KIFAP3: variants seen among roughly 807,000 people sequenced by gnomAD.
The protein encoded by KIFAP3 is kinesin-associated protein 3.
In KIFAP3, 68 loss-of-function variants were observed where a neutral mutation model predicts 106.5. The ratio of observed to expected loss-of-function variants is 0.64; its 90% CI spans 0.53 to 0.78. The LOEUF (loss-of-function observed/expected upper bound fraction) is 0.78. Ranked by LOEUF, KIFAP3 falls within the 30% of genes least tolerant of loss-of-function variation. KIFAP3 has a pLI of 0.00. For missense variants in KIFAP3, 780 were observed against 941.8 expected (o/e 0.83, Z 2.25); for synonymous variants, 320 against 311.5 (o/e 1.03, Z -0.29).
chr1:170,031,616 T>A (rs1254903288), intron 8 of KIFAP3, among the ~76,000 whole-genome samples: 1 of 151,768 alleles, frequency 6.6e-6, no homozygotes, highest in African/African-American at 2.4e-5. Context: ...AGATTGATAT[T>A]ATTGAAAAGG....
intron 10 of KIFAP3, among the ~76,000 whole-genome samples, chr1:170,013,824 T>C (rs917165287): frequency 6.6e-6 from 1 of 151,512 alleles, no homozygotes; most frequent in Non-Finnish European, 1.5e-5. Flanking sequence ...TGATTTGCTT[T>C]TATCAACAGA....
chr1:170,036,943 C>G (rs960552016), intron 5 of KIFAP3, among the ~76,000 whole-genome samples: 1 of 152,146 alleles, frequency 6.6e-6, no homozygotes, highest in East Asian at 1.9e-4. Context: ...AATCCCATTA[C>G]GTCTTTTCAC....
rs1193911940 is a variant in KIFAP3, at chr1:169,960,025, AT to A, written c.2173+1020del. 3.9e-5 allele frequency among the ~76,000 whole-genome samples: 6 copies of A among 152,128 alleles called. No homozygotes were observed. The East Asian group carries it at 1.2e-3, about 29-fold the overall frequency. The stretch of plus-strand genomic sequence containing the variant: ...TAAGTATCTATACCAAATACAAAAA[AT>A]AATACATAATATCTATGGAAAATTT... On this transcript the variant is annotated intron_variant, in intron 18 of 19. Coordinates refer to ENST00000361580, the MANE Select transcript of KIFAP3 (RefSeq NM_014970.4).
intron 19 of KIFAP3, among the ~76,000 whole-genome samples, chr1:169,938,233 G>A (rs1487776259): frequency 1.3e-5 from 2 of 151,846 alleles, no homozygotes; most frequent in Non-Finnish European, 2.9e-5. Flanking sequence ...AGTACACTAC[G>A]AATCCCTTAA....
At chr1:169,935,238 T>C (rs977711611) in intron 19 of KIFAP3, among the ~76,000 whole-genome samples, 4 of 152,050 alleles carry the variant, frequency 2.6e-5, no homozygotes, top group African/African-American at 4.8e-5. Context: ...TTGTATAAAT[T>C]TGAAAAGATG....
At chr1:169,986,442 G>T (rs1666832920) in intron 11 of KIFAP3, among the ~76,000 whole-genome samples, 1 of 151,826 alleles carries the variant, frequency 6.6e-6, no homozygotes, top group Admixed American at 6.6e-5. Context: ...TGCTCCCCTT[G>T]AGGGCAGATC....
intron 4 of KIFAP3, 54 bp downstream of exon 4, chr1:170,039,179 A>C: frequency 3.9e-6 from 4 of 1,025,904 alleles, no homozygotes; most frequent in Non-Finnish European, 5.8e-6. Flanking sequence ...TGATGGAAAA[A>C]GGCAATATCT....
intron 1 of KIFAP3, among the ~76,000 whole-genome samples, chr1:170,071,541 T>C (rs1441680477): frequency 2.0e-5 from 3 of 152,164 alleles, no homozygotes; most frequent in Non-Finnish European, 4.4e-5. Context: ...TTGTGCTTCA[T>C]TATAACACAG....
intron 19 of KIFAP3, among the ~76,000 whole-genome samples, chr1:169,934,027 G>C (rs543112724): frequency 6.6e-6 from 1 of 151,960 alleles, no homozygotes; most frequent in Non-Finnish European, 1.5e-5. Flanking sequence ...AAAAGTACCC[G>C]CATATAGTAT....
upstream of KIFAP3, among the ~76,000 whole-genome samples, chr1:170,078,554 T>G (rs1164208506): frequency 1.3e-5 from 2 of 152,174 alleles, no homozygotes; most frequent in Non-Finnish European, 2.9e-5. Context: ...ACTAATAAAT[T>G]TAATGACTTA....
At chr1:170,034,689 T>A (rs1669587812) in intron 6 of KIFAP3, among the ~76,000 whole-genome samples, 193 bp from the exon 7 acceptor site, 1 of 151,866 alleles carries the variant, frequency 6.6e-6, no homozygotes, top group Non-Finnish European at 1.5e-5. Flanking sequence ...CACACTACTC[T>A]TACCTAAAAT....
At chr1:169,969,095 A>T (rs1460842247) in intron 17 of KIFAP3, among the ~76,000 whole-genome samples, 1 of 152,036 alleles carries the variant, frequency 6.6e-6, no homozygotes, top group Admixed American at 6.6e-5. Context: ...AACAAGCAAG[A>T]ACCAGTTCTG....
chr1:169,949,456 T>G (rs916187101), intron 19 of KIFAP3, among the ~76,000 whole-genome samples: 10 of 152,082 alleles, frequency 6.6e-5, no homozygotes, highest in African/African-American at 2.2e-4. Context: ...TTTTCCAGTT[T>G]ATGAAAATTG....
intron 19 of KIFAP3, among the ~76,000 whole-genome samples, chr1:169,950,546 G>T (rs142963584): frequency 6.6e-6 from 1 of 152,130 alleles, no homozygotes; most frequent in African/African-American, 2.4e-5. Flanking sequence ...ATCTTTTTAA[G>T]ATATTTAGAG....
At chr1:170,045,006 T>C (rs753835130) in intron 3 of KIFAP3, among the ~76,000 whole-genome samples, 15 of 152,260 alleles carry the variant, frequency 9.9e-5, no homozygotes, top group Non-Finnish European at 1.8e-4. Flanking sequence ...TTCATAAGTA[T>C]TCTTATTTTA....
chr1:170,084,231 TTG>T (rs757034232), intron 1 of KIFAP3, among the ~76,000 whole-genome samples: 6 of 152,228 alleles, frequency 3.9e-5, no homozygotes, highest in Non-Finnish European at 8.8e-5. Flanking sequence ...TAGAAGCCTT[TTG>T]TAAGCTTCAG....
chr1:169,949,383 T>A (rs1421370510), intron 19 of KIFAP3, among the ~76,000 whole-genome samples: 1 of 151,910 alleles, frequency 6.6e-6, no homozygotes, highest in East Asian at 1.9e-4. Flanking sequence ...AAAGAAGAAC[T>A]CCAGGCTCTC....
intron 11 of KIFAP3, among the ~76,000 whole-genome samples, chr1:169,988,165 G>A (rs1244064101): frequency 2.6e-5 from 4 of 151,848 alleles, no homozygotes; most frequent in South Asian, 4.2e-4. Context: ...CACCCACTCC[G>A]GATGCTAAAT....
At chr1:169,962,674 C>A (rs975416876) in intron 17 of KIFAP3, among the ~76,000 whole-genome samples, 17 of 152,066 alleles carry the variant, frequency 1.1e-4, no homozygotes, top group African/African-American at 3.4e-4. Flanking sequence ...AAATCAAAAT[C>A]ACAATCACAT....
Sources: allele counts gnomAD v4.1 joint callset (sites outside exome capture counted in the v4.1 genomes callset), GRCh38; gene constraint gnomAD v4.1.1; transcripts MANE v1.5; gene names NCBI Gene and HGNC (gene_info 2026-07-23, HGNC 2026-07-21).